Variants in DNAH1 observed in about 807,000 individuals in gnomAD.
DNAH1 encodes the protein dynein axonemal heavy chain 1.
A neutral mutation model predicts 484.3 loss-of-function variants in DNAH1; 327 were observed. The observed-to-expected ratio is 0.68, with a 90% CI of 0.62 to 0.74. The LOEUF (loss-of-function observed/expected upper bound fraction) is 0.74. Among genes scored for constraint, DNAH1 ranks in the 30% least tolerant of loss-of-function variants. The pLI is 0.00. For synonymous variants in DNAH1, 2,192 were observed against 2,191.9 expected, an observed-to-expected ratio of 1.00 and a Z score of 0.00; for missense variants, 5,052 against 5,546.8, an observed-to-expected ratio of 0.91 and a Z score of 2.83.
rs1704263174 is a variant in DNAH1, at chr3:52,389,341, G to C, written c.9496-120G>C. 5.0e-6 allele frequency: 7 copies of C among 1,410,594 alleles called. No homozygotes were observed. In the South Asian group the frequency reaches 9.0e-5, roughly 18 times the overall value. 87.4% of individuals were successfully genotyped at this position (1,410,594 alleles called of 1,614,324 possible). ...CACCCGAAGTGGGATTAGAATGCAG[G>C]TATCTGGCTCCATGTCTGAGCTCAG... On this transcript the variant is annotated intron_variant, in intron 59 of 77. Coordinates refer to ENST00000420323, the MANE Select transcript of DNAH1 (RefSeq NM_015512.5).
rs767504845 is a variant in DNAH1, at chr3:52,346,756, T to A, written c.1941T>A (p.Ile647=). ...TDDMVWGDDL[I]NSPYRPRKNP... ...ACATGGTCTGGGGTGACGACTTAAT[T>A]AACAGCCCCTACAGGTGGGGCCCGG... The change falls in exon 11 of 78, where the codon ATT becomes ATA. Residue 647 remains isoleucine, a synonymous_variant. Coordinates refer to ENST00000420323, the MANE Select transcript of DNAH1 (RefSeq NM_015512.5). 18 of 1,605,732 alleles carry A rather than the reference T, an allele frequency of 1.1e-5. No individual in the cohort carries two copies. Among genetic ancestry groups the A allele is most frequent in the Non-Finnish European group, 8.5e-7 (1 of 1,173,230 alleles).
At chr3:52,389,679 C>T in intron 60 of DNAH1, 93 bp downstream of exon 60, 3 of 1,247,202 alleles carry the variant, frequency 2.4e-6, no homozygotes, top group Non-Finnish European at 3.0e-6. Context: ...ACCCTGCTTT[C>T]CAGGGCCTGG....
chr3:52,314,251 G>A (rs576470076), upstream of DNAH1, among the ~76,000 whole-genome samples: 3 of 152,310 alleles, frequency 2.0e-5, no homozygotes, highest in South Asian at 4.1e-4. Context: ...GCAGCTCCTG[G>A]AGCCCCCCTG....
Position 52,363,074 on chromosome 3 carries a change from A to G in DNAH1, c.5174A>G (p.Asn1725Ser), listed in dbSNP as rs772974403. 1 of 1,613,960 alleles carries G rather than the reference A, an allele frequency of 6.2e-7. No individual in the cohort carries two copies. Among genetic ancestry groups the G allele is most frequent in the African/African-American group, 1.3e-5 (1 of 75,038 alleles). Reference protein sequence around the residue: ...TEISLYSFGFNEASVLAKKIT... With the variant: ...TEISLYSFGFSEASVLAKKIT... ...ATCTCCCTCTATTCCTTTGGCTTTA[A>G]TGAGGCCAGTGTGCTGGCTAAGAAG... Residue 1725 changes from asparagine (N) to serine (S), a missense_variant, in exon 32 of 78, where the codon AAT becomes AGT. Around this residue, in one of 4 missense-constraint regions of DNAH1, gnomAD observed 2,929 missense variants for 3,409.4 expected, o/e 0.86. Transcript: ENST00000420323.
rs758338930 is a variant in DNAH1, at chr3:52,388,334, G to T, written c.9171G>T (p.Arg3057=). The change falls in exon 57 of 78, where the codon CGG becomes CGT. Residue 3057 remains arginine (R), a splice_region_variant and synonymous_variant. Coordinates refer to ENST00000420323, the MANE Select transcript of DNAH1 (RefSeq NM_015512.5). Reference sequence around the variant, plus strand: ...TGGCCAAGGCCGTGGAGCCCAAGCGGGTGAGGGCTGAGTGGAGCTGGTGGG... The same window carrying T: ...TGGCCAAGGCCGTGGAGCCCAAGCGTGTGAGGGCTGAGTGGAGCTGGTGGG... ...HFVAKAVEPK[R]QALLEAQDDL... 6.2e-7 allele frequency: 1 copy of T among 1,602,674 alleles called. No homozygotes were observed. The highest frequency in any genetic ancestry group is 2.3e-5 in the East Asian group (1 of 44,354).
Position 52,399,079 on chromosome 3 carries a change from G to A in DNAH1, c.12319G>A (p.Gly4107Ser), listed in dbSNP as rs1188516231. The A allele has an allele frequency of 6.2e-7, 1 of 1,614,052 alleles. No homozygotes were observed. The highest frequency in any genetic ancestry group is 8.5e-7 in the Non-Finnish European group (1 of 1,179,904). ...CTTTCTGCAGGCCTGGATCCAAGAT[G>A]GCATCCCAGCTGTCTTCTGGATCAG... ...LDFLQAWIQD[G>S]IPAVFWISGF... The change falls in exon 76 of 78, where the codon GGC (glycine) becomes AGC (serine). Residue 4107 changes from glycine to serine, a missense_variant. Coordinates refer to ENST00000420323, the MANE Select transcript of DNAH1 (RefSeq NM_015512.5).
upstream of DNAH1, among the ~76,000 whole-genome samples, chr3:52,311,764 C>T (rs1480201224): frequency 2.6e-5 from 4 of 152,140 alleles, no homozygotes; most frequent in African/African-American, 9.7e-5. Flanking sequence ...GTTGCTGGGA[C>T]CCAGGGGAGG....
Position 52,346,639 on chromosome 3 carries a change from G to C in DNAH1, c.1824G>C (p.Gln608His), listed in dbSNP as rs749719963. The C allele has an allele frequency of 1.2e-6, 2 of 1,614,074 alleles. No homozygotes were observed. The highest frequency in any genetic ancestry group is 1.7e-6 in the Non-Finnish European group (2 of 1,179,888). The change falls in exon 11 of 78, where the codon CAG becomes CAC. Residue 608 changes from glutamine to histidine, a missense_variant. Gln to His is a conservative substitution (Grantham distance 24). This residue lies in a region of DNAH1 where 1,263 missense variants were observed against 1,218.8 expected (regional missense o/e 1.04). Transcript: ENST00000420323. ...KLMELVKYML[Q>H]DTLRFLVQDS... ...TGGAGCTGGTGAAGTACATGCTGCAGGACACACTGCGCTTCCTGGTGCAGG... is the reference window on the plus strand; with the variant it reads ...TGGAGCTGGTGAAGTACATGCTGCACGACACACTGCGCTTCCTGGTGCAGG...
Position 52,361,101 on chromosome 3 carries a change from C to A in DNAH1, c.4686-63C>A. 2 of 1,373,396 alleles carry A rather than the reference C, an allele frequency of 1.5e-6. No homozygotes were observed. Among genetic ancestry groups the A allele is most frequent in the Admixed American group, 3.3e-5 (1 of 30,138 alleles). 85.1% of individuals were successfully genotyped at this position (1,373,396 alleles called of 1,614,324 possible). On this transcript the variant is annotated intron_variant, in intron 28 of 77. Coordinates refer to ENST00000420323, the MANE Select transcript of DNAH1 (RefSeq NM_015512.5). This position sits in a 1 kb window ranked among gnomAD's most constrained non-coding sequence, Gnocchi z 5.6. ...GAGAGGCCCCAGTCCACAGGAAATTCCAAGGAAAGGGGGAGTGTCCAGGCC... is the reference window on the plus strand; with the variant it reads ...GAGAGGCCCCAGTCCACAGGAAATTACAAGGAAAGGGGGAGTGTCCAGGCC...
chr3:52,350,576 T>C lies in DNAH1; in HGVS notation c.2715T>C (p.Asp905=), dbSNP rs199890146. The C allele has an allele frequency of 7.3e-5, 118 of 1,613,758 alleles. No individual in the cohort carries two copies. Among genetic ancestry groups the C allele is most frequent in the Admixed American group, 1.3e-4 (8 of 59,994 alleles). ...AATTCCTCTACAACCTCAGCTCAGA[T>C]GACTTCAATGACAAGTGAGTGGGAG... is the stretch of plus-strand genomic sequence containing the variant. ...MDEFLYNLSS[D]DFNDKWIASN... is the part of the protein sequence containing the mutation. The change falls in exon 16 of 78, where the codon GAT becomes GAC. Residue 905 remains aspartate, a synonymous_variant. Coordinates refer to ENST00000420323, the MANE Select transcript of DNAH1 (RefSeq NM_015512.5).
In DNAH1 at chr3:52,395,345, C is replaced by A. The variant is rs944086328; in HGVS notation, c.11006C>A (p.Ser3669Tyr). 6.2e-7 allele frequency: 1 copy of A among 1,613,802 alleles called. No homozygotes were observed. The highest frequency in any genetic ancestry group is 8.5e-7 in the Non-Finnish European group (1 of 1,179,858). Residue 3669 changes from serine to tyrosine, a missense_variant, in exon 69 of 78, where the codon TCC becomes TAC. Coordinates refer to ENST00000420323, the MANE Select transcript of DNAH1 (RefSeq NM_015512.5). This position sits in a 1 kb window ranked among gnomAD's most constrained non-coding sequence, Gnocchi z 4.4. ...NLSVVFKDSN[S>Y]TTPLIFVLSP... The stretch of plus-strand genomic sequence containing the variant: ...TCAGTGGTGTTCAAAGACTCCAACT[C>A]CACCACACCCCTCATCTTTGTGCTG...
intron 1 of DNAH1, 74 bp from the exon 2 acceptor site, chr3:52,322,335 A>G (rs954274844): frequency 6.7e-6 from 7 of 1,044,134 alleles, no homozygotes; most frequent in South Asian, 3.2e-5. Context: ...CAGGCAGGCA[A>G]TCTAGGCATC....
chr3:52,331,333 A>G, intron 7 of DNAH1, 24 bp downstream of exon 7: 4 of 1,589,312 alleles, frequency 2.5e-6, no homozygotes, highest in Non-Finnish European at 3.4e-6. Flanking sequence ...CCGCTGCCCC[A>G]GGCAGAACCC....
At position 52,350,043 on chromosome 3, in the gene DNAH1, A is replaced by G; in HGVS notation, c.2581A>G (p.Ile861Val). Residue 861 changes from isoleucine (I) to valine (V), a missense_variant, in exon 15 of 78, where the codon ATT becomes GTT. Around this residue, in one of 4 missense-constraint regions of DNAH1, gnomAD observed 1,263 missense variants for 1,218.8 expected, o/e 1.04. Transcript: ENST00000420323. ...SRKIYEKPNS[I>V]EELAELREWM... The stretch of plus-strand genomic sequence containing the variant: ...CAAGATCTATGAGAAGCCCAACAGC[A>G]TTGAGGAGCTGGCTGAGCTGCGAGA... The G allele has an allele frequency of 1.2e-6, 2 of 1,613,318 alleles. No individual in the cohort carries two copies. The highest frequency in any genetic ancestry group is 1.7e-6 in the Non-Finnish European group (2 of 1,179,742).
At chr3:52,373,335 G>A (rs1703436900) in intron 44 of DNAH1, among the ~76,000 whole-genome samples, 1 of 152,036 alleles carries the variant, frequency 6.6e-6, no homozygotes, top group Admixed American at 6.5e-5. Context: ...CGACGGCGGG[G>A]CGGGGGCGCT....
At chr3:52,373,895 T>A in intron 44 of DNAH1, 2 of 1,387,432 alleles carry the variant, frequency 1.4e-6, no homozygotes, top group Admixed American at 1.7e-5. Flanking sequence ...CTTCCTCCAA[T>A]CCTACGGGAG....
chr3:52,366,422 G>A (rs1200486997), intron 34 of DNAH1, 35 bp from the exon 35 acceptor site: 1 of 1,551,538 alleles, frequency 6.4e-7, no homozygotes, highest in South Asian at 1.2e-5. Flanking sequence ...CCAAGCCCAT[G>A]CTCTGACCCT....
chr3:52,378,366 C>T (rs891201859), intron 46 of DNAH1, among the ~76,000 whole-genome samples: 1 of 151,410 alleles, frequency 6.6e-6, no homozygotes, highest in African/African-American at 2.4e-5. Flanking sequence ...AGTCCCAGTG[C>T]TCCGACAGGC....
rs376327672 is a variant in DNAH1 at position 52,349,383 on chromosome 3, A to G, written c.2489A>G (p.Asp830Gly). 6.2e-7 allele frequency: 1 copy of G among 1,613,976 alleles called. No individual in the cohort carries two copies. Among genetic ancestry groups the G allele is most frequent in the Non-Finnish European group, 8.5e-7 (1 of 1,179,892 alleles). The stretch of plus-strand genomic sequence containing the variant: ...AAGGCCCTGGCCACTTCCGTGCTGG[A>G]CATCCTTGCCAAGAACCTGCATAAG... ...KRKALATSVL[D>G]ILAKNLHKEV... Residue 830 changes from aspartate (D) to glycine (G), a missense_variant, in exon 14 of 78, where the codon GAC becomes GGC. Physicochemically the swap from Asp to Gly is moderately conservative, Grantham distance 94. Coordinates refer to ENST00000420323, the MANE Select transcript of DNAH1 (RefSeq NM_015512.5).
Sources: allele counts gnomAD v4.1 joint callset (sites outside exome capture counted in the v4.1 genomes callset), GRCh38; gene constraint gnomAD v4.1.1; regional missense constraint gnomAD v4.1.1; non-coding constraint Gnocchi (gnomAD v3.1); transcripts MANE v1.5; gene names NCBI Gene and HGNC (gene_info 2026-07-23, HGNC 2026-07-21).